SLCO1C1: variants seen among roughly 807,000 people sequenced by gnomAD.
The protein encoded by SLCO1C1 is solute carrier organic anion transporter family member 1C1.
SLCO1C1 carries 70 observed loss-of-function variants against 76.4 expected under a neutral mutation model. The observed-to-expected ratio is 0.92, with a 90% CI of 0.76 to 1.12. The LOEUF (loss-of-function observed/expected upper bound fraction) is 1.12. Among genes scored for constraint, SLCO1C1 ranks in the 50% most tolerant of loss-of-function variants. The pLI is 0.00. For missense variants in SLCO1C1, 912 were observed against 823.8 expected, an observed-to-expected ratio of 1.11 and a Z score of -1.31; for synonymous variants, 306 against 286.1, an observed-to-expected ratio of 1.07 and a Z score of -0.70.
rs768316772 is a variant in SLCO1C1 at position 20,737,202 on chromosome 12, A to G, written c.1478A>G (p.Glu493Gly). The change falls in exon 11 of 15, where the codon GAA becomes GGA. Residue 493 changes from glutamate (E) to glycine (G), a missense_variant. Physicochemically the swap from Glu to Gly is moderately conservative, Grantham distance 98. Transcript: ENST00000266509. ...ACAAAATGGGAACCCATGTGCGGTG[A>G]AAATGGAATCACATATGTATCAGCT... ...SETKWEPMCG[E>G]NGITYVSACL... The G allele has an allele frequency of 6.1e-5, 96 of 1,572,486 alleles. No homozygotes were observed. Among genetic ancestry groups the G allele is most frequent in the Non-Finnish European group, 7.9e-5 (92 of 1,165,854 alleles).
intron 7 of SLCO1C1, among the ~76,000 whole-genome samples, chr12:20,720,748 A>T (rs1488400732): frequency 6.6e-6 from 1 of 152,228 alleles, no homozygotes. Context: ...CTGTAATCCC[A>T]GCACTTTGGG....
Position 20,740,337 on chromosome 12 carries a change from G to C in SLCO1C1, c.1702G>C (p.Gly568Arg). The C allele has an allele frequency of 6.2e-7, 1 of 1,613,366 alleles. No homozygotes were observed. The highest frequency in any genetic ancestry group is 2.2e-5 in the East Asian group (1 of 44,792). The change falls in exon 12 of 15, where the codon GGT (glycine) becomes CGT (arginine). Residue 568 changes from glycine to arginine, a missense_variant. Coordinates refer to ENST00000266509, the MANE Select transcript of SLCO1C1 (RefSeq NM_017435.5). ...SVITSYTLSLGGIPGYILLLR... is the reference protein window; with the variant it reads ...SVITSYTLSLRGIPGYILLLR... Reference sequence around the variant, plus strand: ...CATCACATCCTATACTTTATCCCTAGGTGGCATACCTGGATACATATTACT... The same window carrying C: ...CATCACATCCTATACTTTATCCCTACGTGGCATACCTGGATACATATTACT...
intron 13 of SLCO1C1, among the ~76,000 whole-genome samples, chr12:20,744,257 C>A (rs1342660899): frequency 6.6e-6 from 1 of 151,948 alleles, no homozygotes; most frequent in African/African-American, 2.4e-5. Flanking sequence ...CAAGAATTGG[C>A]CCCCATATCT....
chr12:20,701,328 G>A lies in SLCO1C1; in HGVS notation c.140G>A (p.Cys47Tyr), dbSNP rs922300940. 4 of 1,527,492 alleles carry A rather than the reference G, an allele frequency of 2.6e-6. No homozygotes were observed. The highest frequency in any genetic ancestry group is 1.2e-5 in the South Asian group (1 of 80,158). 94.6% of individuals were successfully genotyped at this position (1,527,492 alleles called of 1,614,324 possible). A position where few individuals can be genotyped will look rare whatever the true frequency, so the allele number is the denominator to read the frequency against. The part of the protein sequence containing the change: ...PCCGELKVFL[C>Y]ALSFVYFAKA... ...TGTCATATTTTCCAGGTGTTCTTGT[G>A]TGCCTTGTCTTTTGTTTACTTTGCC... The change falls in exon 3 of 15, where the codon TGT becomes TAT. Residue 47 changes from cysteine (C) to tyrosine (Y), a missense_variant. Cys to Tyr is a radical substitution (Grantham distance 194). Coordinates refer to ENST00000266509, the MANE Select transcript of SLCO1C1 (RefSeq NM_017435.5).
chr12:20,732,087 C>A (rs1565531609), intron 9 of SLCO1C1, among the ~76,000 whole-genome samples: 1 of 152,158 alleles, frequency 6.6e-6, no homozygotes, highest in Non-Finnish European at 1.5e-5. Flanking sequence ...TAAATTGAAC[C>A]TCTTCCTAGT....
chr12:20,704,623 C>T (rs988501841), intron 3 of SLCO1C1, among the ~76,000 whole-genome samples: 1 of 151,768 alleles, frequency 6.6e-6, no homozygotes, highest in African/African-American at 2.4e-5. Flanking sequence ...TCATGTTTCT[C>T]ACTATCATTC....
chr12:20,723,297 T>C, intron 9 of SLCO1C1, 43 bp downstream of exon 9: 1 of 1,576,716 alleles, frequency 6.3e-7, no homozygotes, highest in Non-Finnish European at 8.6e-7. Context: ...GGGACTGTCT[T>C]AGAGGTACCT....
At chr12:20,702,336 T>G (rs759881308) in intron 3 of SLCO1C1, among the ~76,000 whole-genome samples, 3 of 151,964 alleles carry the variant, frequency 2.0e-5, no homozygotes, top group Non-Finnish European at 2.9e-5. Context: ...TTACTCTGAA[T>G]ATCACAGAAA....
chr12:20,726,094 TTTGA>T (rs1947972481), intron 9 of SLCO1C1, among the ~76,000 whole-genome samples: 1 of 152,144 alleles, frequency 6.6e-6, no homozygotes, highest in African/African-American at 2.4e-5. Flanking sequence ...TCACCCTTAC[TTTGA>T]TTATTTGTAC....
chr12:20,744,965 A>C (rs542605285), intron 13 of SLCO1C1, among the ~76,000 whole-genome samples: 1 of 152,276 alleles, frequency 6.6e-6, no homozygotes, highest in African/African-American at 2.4e-5. Context: ...ATCTAATGTT[A>C]CCGAGTGATC....
intron 3 of SLCO1C1, among the ~76,000 whole-genome samples, chr12:20,703,071 G>C (rs964321178): frequency 1.1e-4 from 17 of 151,778 alleles, no homozygotes; most frequent in African/African-American, 3.6e-4. Context: ...TATTGGATTG[G>C]ATGCCTTAAA....
chr12:20,717,648 C>A (rs1296029201), intron 7 of SLCO1C1, among the ~76,000 whole-genome samples: 1 of 42,276 alleles, frequency 2.4e-5, no homozygotes, highest in African/African-American at 6.8e-5. Context: ...AACAGCCCTT[C>A]TTTTTTTTTT....
chr12:20,740,284 T>A lies in SLCO1C1; in HGVS notation c.1649T>A (p.Met550Lys). 1.2e-6 allele frequency: 2 copies of A among 1,613,996 alleles called. No homozygotes were observed. Among genetic ancestry groups the A allele is most frequent in the Non-Finnish European group, 1.7e-6 (2 of 1,179,960 alleles). The change falls in exon 12 of 15, where the codon ATG (methionine) becomes AAG (lysine). Residue 550 changes from methionine to lysine, a missense_variant. Coordinates refer to ENST00000266509, the MANE Select transcript of SLCO1C1 (RefSeq NM_017435.5). ...RCQKDNGCPQMFLYFLVISVI... is the reference protein window; with the variant it reads ...RCQKDNGCPQKFLYFLVISVI... ...CAGAAAGACAATGGATGTCCCCAAA[T>A]GTTTCTGTATTTCCTTGTAATTTCA...
At chr12:20,721,053 G>A (rs1947645248) in intron 7 of SLCO1C1, among the ~76,000 whole-genome samples, 1 of 147,806 alleles carries the variant, frequency 6.8e-6, no homozygotes, top group Admixed American at 6.7e-5. Flanking sequence ...TCTTGTGGAT[G>A]AACAAAGTGA....
rs1948594462 is a variant in SLCO1C1 at position 20,737,283 on chromosome 12, A to G, written c.1548+11A>G. ...AGTGGAAAAAATATTGTAAGAAATC[A>G]CCTCTCAAGTATATGGCGATGGTCC... On this transcript the variant is annotated intron_variant, in intron 11 of 14. Transcript: ENST00000266509. 1 of 1,551,552 alleles carries G rather than the reference A, an allele frequency of 6.4e-7. No homozygotes were observed. Among genetic ancestry groups the G allele is most frequent in the African/African-American group, 1.4e-5 (1 of 70,298 alleles).
chr12:20,700,603 C>G (rs1946476110), intron 2 of SLCO1C1, among the ~76,000 whole-genome samples: 1 of 151,728 alleles, frequency 6.6e-6, no homozygotes, highest in African/African-American at 2.4e-5. Context: ...CCCCGCTCCC[C>G]CAATCCCCCG....
intron 11 of SLCO1C1, among the ~76,000 whole-genome samples, chr12:20,738,006 T>G (rs561306468): frequency 6.6e-6 from 1 of 152,134 alleles, no homozygotes; most frequent in Middle Eastern, 3.4e-3. Context: ...CACTTTCTGG[T>G]TTGCAGATGA....
chr12:20,752,558 A>G lies in SLCO1C1; in HGVS notation c.*30A>G. On this transcript the variant is annotated 3_prime_UTR_variant, in exon 15 of 15. Coordinates refer to ENST00000266509, the MANE Select transcript of SLCO1C1 (RefSeq NM_017435.5). ...ATGATGACTGGAAGTCATGTCTTCT[A>G]ATTGGTTGACATTTTGCAAACAAAT... The G allele has an allele frequency of 1.3e-6, 2 of 1,505,580 alleles. No homozygotes were observed. The highest frequency in any genetic ancestry group is 1.8e-6 in the Non-Finnish European group (2 of 1,115,314). 93.3% of individuals were successfully genotyped at this position (1,505,580 alleles called of 1,614,324 possible). A position where few individuals can be genotyped will look rare whatever the true frequency, so the allele number is the denominator to read the frequency against.
chr12:20,699,955 T>C, intron 2 of SLCO1C1: 3 of 316,326 alleles, frequency 9.5e-6, no homozygotes, highest in South Asian at 2.1e-4. Context: ...TAGAAACTAG[T>C]ATTTATTGAA....
Sources: allele counts gnomAD v4.1 joint callset (sites outside exome capture counted in the v4.1 genomes callset), GRCh38; gene constraint gnomAD v4.1.1; transcripts MANE v1.5; gene names NCBI Gene and HGNC (gene_info 2026-07-23, HGNC 2026-07-21).